NIBAN1: variants seen among roughly 807,000 people sequenced by gnomAD.
NIBAN1 encodes protein Niban 1.
Under a neutral mutation model 75.1 loss-of-function variants are expected in NIBAN1, and 81 were observed. The observed-to-expected ratio is 1.08, with a 90% CI of 0.90 to 1.30. The LOEUF is 1.30. Among genes scored for constraint, NIBAN1 ranks in the 50% most tolerant of loss-of-function variants. NIBAN1 has a pLI of 0.00. For missense variants in NIBAN1, 1,133 were observed against 1,128.1 expected (o/e 1.00, Z -0.06); for synonymous variants, 436 against 424.8 (o/e 1.03, Z -0.32).
At chr1:184,797,823 T>A (rs1055036127) in intron 13 of NIBAN1, among the ~76,000 whole-genome samples, 2 of 152,200 alleles carry the variant, frequency 1.3e-5, no homozygotes, top group Non-Finnish European at 2.9e-5. Flanking sequence ...AAAATTCCCA[T>A]CTCACAGCAT....
chr1:184,864,010 A>T (rs1655884302), intron 5 of NIBAN1, among the ~76,000 whole-genome samples: 1 of 152,218 alleles, frequency 6.6e-6, no homozygotes, highest in South Asian at 2.1e-4. Flanking sequence ...TACTTTCTAA[A>T]ATCCCTCTTC....
At chr1:184,918,230 T>TG (rs1014261072) in intron 1 of NIBAN1, among the ~76,000 whole-genome samples, 49 of 152,166 alleles carry the variant, frequency 3.2e-4, no homozygotes, top group Non-Finnish European at 7.4e-5. Flanking sequence ...CTTTGGGCTT[T>TG]GGGGATCTCT....
chr1:184,810,043 G>A (rs1191011476), intron 9 of NIBAN1, among the ~76,000 whole-genome samples: 1 of 152,082 alleles, frequency 6.6e-6, no homozygotes, highest in Non-Finnish European at 1.5e-5. Context: ...GTGGCATTGG[G>A]GAAGGGGAAG....
At position 184,818,916 on chromosome 1, in the gene NIBAN1, G is replaced by A. The variant is rs547062937; in HGVS notation, c.986-91C>T. The A allele has an allele frequency of 4.1e-5, 57 of 1,405,744 alleles. 1 individual carries two copies. In the East Asian group the frequency reaches 7.7e-4, roughly 19 times the overall value. The allele number at this position is 1,405,744 out of a possible 1,614,324, so 87.1% of individuals were successfully genotyped here. A position where few individuals can be genotyped will look rare whatever the true frequency, so the allele number is the denominator to read the frequency against. ...AGACCAGAGCTGAATGGTGCCCCAC[G>A]GAGCCATTTAACAGCCAAGGCAAGC... On this transcript the variant is annotated intron_variant, in intron 8 of 13. Transcript: ENST00000367511.
intron 1 of NIBAN1, among the ~76,000 whole-genome samples, chr1:184,968,922 T>C (rs890406833): frequency 5.3e-5 from 8 of 152,332 alleles, no homozygotes; most frequent in Non-Finnish European, 1.0e-4. Context: ...CTACATGTGC[T>C]CCTTCTTGAA....
intron 1 of NIBAN1, among the ~76,000 whole-genome samples, chr1:184,943,288 G>T (rs955197171): frequency 6.6e-6 from 1 of 152,074 alleles, no homozygotes; most frequent in African/African-American, 2.4e-5. Flanking sequence ...AAAACAAGGG[G>T]TTTAGCCTGA....
intron 1 of NIBAN1, among the ~76,000 whole-genome samples, chr1:184,941,711 G>A (rs1025600991): frequency 2.0e-5 from 3 of 151,932 alleles, no homozygotes; most frequent in Non-Finnish European, 4.4e-5. Flanking sequence ...AGATACCTGG[G>A]GGTGTGAGAT....
chr1:184,863,284 G>A (rs535509759), intron 5 of NIBAN1, among the ~76,000 whole-genome samples: 1 of 152,256 alleles, frequency 6.6e-6, no homozygotes, highest in Non-Finnish European at 1.5e-5. Flanking sequence ...AGAAAGATAA[G>A]TTTATTTTTG....
In NIBAN1 at chr1:184,846,144, C is replaced by T. The variant is rs1655438946; in HGVS notation, c.602-14182G>A. ...ACCACAGCTCAAGGAGGCCTGCCTG[C>T]CTCTGTAGGCTCCACCTCTGGGGGC... On this transcript the variant is annotated intron_variant, in intron 5 of 13. Transcript: ENST00000367511. 3.5e-5 allele frequency among the ~76,000 whole-genome samples: 2 copies of T among 57,042 alleles called. 1 individual carries two copies. Among genetic ancestry groups the T allele is most frequent in the Admixed American group, 4.0e-4 (2 of 5,028 alleles). The allele number at this position is 57,042 out of a possible 152,430, so 37.4% of individuals were successfully genotyped here.
chr1:184,832,050 C>T, intron 5 of NIBAN1, 88 bp from the exon 6 acceptor site: 1 of 907,562 alleles, frequency 1.1e-6, no homozygotes, highest in Non-Finnish European at 1.8e-6. Context: ...AGAGACCTAG[C>T]ATTATCTGAA....
chr1:184,885,216 T>C (rs1438169645), intron 4 of NIBAN1, among the ~76,000 whole-genome samples: 1 of 152,174 alleles, frequency 6.6e-6, no homozygotes, highest in Non-Finnish European at 1.5e-5. Context: ...CTCCAGCTAA[T>C]TTTTGTCTTT....
chr1:184,872,712 TAA>T (rs34664253), intron 5 of NIBAN1, among the ~76,000 whole-genome samples: 34 of 139,714 alleles, frequency 2.4e-4, no homozygotes, highest in Non-Finnish European at 3.6e-4. Flanking sequence ...TGTATCAAAT[TAA>T]AAAAAAAAAA....
intron 1 of NIBAN1, among the ~76,000 whole-genome samples, chr1:184,929,443 T>C (rs1657766469): frequency 1.3e-5 from 2 of 152,240 alleles, no homozygotes; most frequent in Non-Finnish European, 2.9e-5. Context: ...ATCATAATGT[T>C]TTAAATGCTT....
intron 1 of NIBAN1, among the ~76,000 whole-genome samples, chr1:184,903,251 T>A (rs1214468136): frequency 6.6e-6 from 1 of 152,256 alleles, no homozygotes; most frequent in Non-Finnish European, 1.5e-5. Flanking sequence ...CACAGGTATG[T>A]ATCTCTAATC....
rs952271064 is a variant in NIBAN1, at chr1:184,829,377, A to G, written c.717+2470T>C. Among the ~76,000 whole-genome samples, 4 of 152,034 alleles carry G rather than the reference A, an allele frequency of 2.6e-5. No individual in the cohort carries two copies. The East Asian group carries it at 5.8e-4, about 22-fold the overall frequency. On this transcript the variant is annotated intron_variant, in intron 6 of 13. Coordinates refer to ENST00000367511, the MANE Select transcript of NIBAN1 (RefSeq NM_052966.4). ...GGGACGAGTCATTTCTCTCTCTTCCAACTTACACCACTTAGCACATAATCA... is the reference window on the plus strand; with the variant it reads ...GGGACGAGTCATTTCTCTCTCTTCCGACTTACACCACTTAGCACATAATCA...
At chr1:184,928,123 G>A (rs1657728928) in intron 1 of NIBAN1, among the ~76,000 whole-genome samples, 1 of 152,146 alleles carries the variant, frequency 6.6e-6, no homozygotes, top group Non-Finnish European at 1.5e-5. Context: ...TTCTGGCACA[G>A]GGTGTGTTTA....
At chr1:184,874,750 C>T (rs1656190737) in intron 5 of NIBAN1, among the ~76,000 whole-genome samples, 1 of 151,652 alleles carries the variant, frequency 6.6e-6, no homozygotes, top group Non-Finnish European at 1.5e-5. Flanking sequence ...AAAAATTTAG[C>T]ATAGCAAAAA....
intron 1 of NIBAN1, among the ~76,000 whole-genome samples, chr1:184,972,698 C>T (rs945978734): frequency 1.2e-4 from 18 of 152,174 alleles, no homozygotes; most frequent in African/African-American, 4.3e-4. Flanking sequence ...GCCCTAACTC[C>T]CTCGTACTTT....
chr1:184,794,886 T>G lies in NIBAN1; in HGVS notation c.*91A>C. ...TTCAAATTAAGAAAATACTTAAAAA[T>G]TTTTTGGTAACAGCTTGCATGCAAC... On this transcript the variant is annotated 3_prime_UTR_variant, in exon 14 of 14. Transcript: ENST00000367511. 1 of 1,560,106 alleles carries G rather than the reference T, an allele frequency of 6.4e-7. No homozygotes were observed.
Sources: gnomAD v4.1 joint callset for allele counts (sites outside exome capture counted in the v4.1 genomes callset) on GRCh38, gnomAD v4.1.1 for gene constraint, MANE v1.5 for transcripts, NCBI Gene and HGNC (gene_info 2026-07-23, HGNC 2026-07-21) for gene names.